The following TPD52 variants were observed in gnomAD, a reference collection of about 807,000 sequenced individuals.
TPD52 encodes prostate and colon associated protein.
Under a neutral mutation model 31.3 loss-of-function variants are expected in TPD52, and 17 were observed. That is an observed-to-expected ratio of 0.54 (90% CI 0.37 to 0.82). TPD52 has a LOEUF of 0.82. TPD52 is among the 40% of genes least tolerant of loss of function. The pLI, the probability that TPD52 is intolerant of heterozygous loss-of-function variation, is 0.00. For missense variants in TPD52, 212 were observed against 240.1 expected (o/e 0.88, Z 0.77); for synonymous variants, 83 against 89.6 (o/e 0.93, Z 0.42).
intron 1 of TPD52, among the ~76,000 whole-genome samples, chr8:80,152,780 C>CAATAAAAAAA (rs1810670061): frequency 1.2e-5 from 1 of 83,546 alleles, no homozygotes; most frequent in Non-Finnish European, 2.2e-5. Context: ...GACTCCGTCT[C>CAATAAAAAAA]AAAAAAAAAA....
At chr8:80,115,294 A>AGTG (rs1807787512) in intron 1 of TPD52, among the ~76,000 whole-genome samples, 1 of 152,208 alleles carries the variant, frequency 6.6e-6, no homozygotes, top group South Asian at 2.1e-4. Flanking sequence ...AATAAAAAAC[A>AGTG]GTGACCTGAC....
chr8:80,136,544 A>G (rs1170454499), intron 1 of TPD52, among the ~76,000 whole-genome samples: 2 of 150,428 alleles, frequency 1.3e-5, no homozygotes, highest in Non-Finnish European at 3.0e-5. Flanking sequence ...AAAAAAAAAA[A>G]AAAAAAAGAA....
chr8:80,108,801 T>G (rs1807307387), intron 1 of TPD52, among the ~76,000 whole-genome samples: 1 of 152,242 alleles, frequency 6.6e-6, no homozygotes, highest in Non-Finnish European at 1.5e-5. Flanking sequence ...GCTGGTTCTT[T>G]AAAGTTTTAA....
At position 80,080,580 on chromosome 8, in the gene TPD52, G is replaced by A. The variant is rs187997477; in HGVS notation, c.20-15987C>T. ...AAGAAATCAACCCCAGGAGTTAGAGGCCCTGGCTTCTGGGCCCAGGTGCCA... is the reference window on the plus strand; with the variant it reads ...AAGAAATCAACCCCAGGAGTTAGAGACCCTGGCTTCTGGGCCCAGGTGCCA... On this transcript the variant is annotated intron_variant, in intron 1 of 7. Transcript: ENST00000518937. 21 of 1,416,988 alleles carry A rather than the reference G, an allele frequency of 1.5e-5. 1 individual carries two copies. The East Asian group carries it at 4.8e-4, about 33-fold the overall frequency. 87.8% of individuals were successfully genotyped at this position (1,416,988 alleles called of 1,614,324 possible). A position where few individuals can be genotyped will look rare whatever the true frequency, so the allele number is the denominator to read the frequency against.
intron 1 of TPD52, among the ~76,000 whole-genome samples, chr8:80,163,584 A>C (rs1811505480): frequency 6.6e-6 from 1 of 152,364 alleles, no homozygotes; most frequent in Non-Finnish European, 1.5e-5. Flanking sequence ...CGTACTGTAC[A>C]TTTAAAAACG....
At chr8:80,074,173 G>A (rs201900124) in intron 1 of TPD52, among the ~76,000 whole-genome samples, 5 of 152,194 alleles carry the variant, frequency 3.3e-5, no homozygotes, top group Admixed American at 6.5e-5. Context: ...CTTTAAGACC[G>A]GAGTCGCGGT....
At chr8:80,133,032 A>T (rs1809134600) in intron 1 of TPD52, among the ~76,000 whole-genome samples, 1 of 152,194 alleles carries the variant, frequency 6.6e-6, no homozygotes, top group Admixed American at 6.5e-5. Flanking sequence ...AAATCTGTTC[A>T]CTGATGAAAA....
rs11542216 is a variant in TPD52, at chr8:80,064,520, G to A, written c.93C>T (p.Leu31=). The change falls in exon 2 of 8, where the codon CTC becomes CTT. Residue 31 remains leucine, a synonymous_variant. Coordinates refer to ENST00000518937, the MANE Select transcript of TPD52 (RefSeq NM_001025253.3). The part of the protein sequence containing the change: ...VAATISATET[L]SEEEQEELRR... ...TTAGCTCTTCCTGCTCCTCTTCCGA[G>A]AGGGTCTCTGTGGCACTGATCGTGG... 1.9e-6 allele frequency: 3 copies of A among 1,614,044 alleles called. No individual in the cohort carries two copies. In the African/African-American group the frequency reaches 4.0e-5, roughly 22 times the overall value.
At chr8:80,105,681 C>A (rs1427713427) in intron 1 of TPD52, among the ~76,000 whole-genome samples, 1 of 151,892 alleles carries the variant, frequency 6.6e-6, no homozygotes, top group Non-Finnish European at 1.5e-5. Context: ...AAGCAATCCT[C>A]CCGTCTCAAC....
chr8:80,040,505 T>C (rs1298302607), intron 7 of TPD52, among the ~76,000 whole-genome samples: 1 of 152,218 alleles, frequency 6.6e-6, no homozygotes, highest in Non-Finnish European at 1.5e-5. Context: ...ATTGTATGTT[T>C]TTAAATTACA....
At chr8:80,031,634 G>C (rs992967536), downstream of TPD52, among the ~76,000 whole-genome samples, 1 of 152,098 alleles carries the variant, frequency 6.6e-6, no homozygotes, top group South Asian at 2.1e-4. Context: ...GAGGAGGGAG[G>C]ATTGCTTGAG....
chr8:80,153,248 C>G (rs541046754), intron 1 of TPD52, among the ~76,000 whole-genome samples: 42 of 152,204 alleles, frequency 2.8e-4, no homozygotes, highest in Non-Finnish European at 5.9e-4. Context: ...CTGCAATGCT[C>G]CAGGAACTGA....
intron 1 of TPD52, among the ~76,000 whole-genome samples, chr8:80,086,735 G>T (rs983302129): frequency 1.1e-4 from 16 of 151,520 alleles, no homozygotes; most frequent in Non-Finnish European, 2.1e-4. Context: ...TTAGCTGGTT[G>T]GGGGGGCACG....
At position 80,064,933 on chromosome 8, in the gene TPD52, G is replaced by A. The variant is rs866372659; in HGVS notation, c.20-340C>T. The A allele has an allele frequency of 2.9e-5, 13 of 450,988 alleles. No individual in the cohort carries two copies. In the Middle Eastern group the frequency reaches 2.9e-3, roughly 99 times the overall value. 27.9% of individuals were successfully genotyped at this position (450,988 alleles called of 1,614,324 possible). A position where few individuals can be genotyped will look rare whatever the true frequency, so the allele number is the denominator to read the frequency against. On this transcript the variant is annotated intron_variant, in intron 1 of 7. Coordinates refer to ENST00000518937, the MANE Select transcript of TPD52 (RefSeq NM_001025253.3). ...TTTAAATTGCTGCAAAAGTAAATCA[G>A]TATAAATTAGATGAAAGATTTTAGC...
At chr8:80,076,195 C>T (rs1435689887) in intron 1 of TPD52, among the ~76,000 whole-genome samples, 1 of 152,174 alleles carries the variant, frequency 6.6e-6, no homozygotes, top group Admixed American at 6.5e-5. Context: ...ATCACAAAGA[C>T]ACATGCATGC....
At chr8:80,097,506 A>G (rs563059380) in intron 1 of TPD52, among the ~76,000 whole-genome samples, 1 of 152,162 alleles carries the variant, frequency 6.6e-6, no homozygotes, top group Non-Finnish European at 1.5e-5. Context: ...TGCTGTTCTC[A>G]CAATAGTGAG....
At chr8:80,073,762 C>T (rs1003424109) in intron 1 of TPD52, among the ~76,000 whole-genome samples, 2 of 152,156 alleles carry the variant, frequency 1.3e-5, no homozygotes, top group Non-Finnish European at 2.9e-5. Context: ...ACTGTTTTTA[C>T]CTAGAAAGGT....
intron 1 of TPD52, among the ~76,000 whole-genome samples, chr8:80,148,837 C>T (rs1471066248): frequency 1.3e-5 from 2 of 152,034 alleles, no homozygotes; most frequent in Non-Finnish European, 1.5e-5. Context: ...TATGCCATTC[C>T]ACTTTCTGGG....
intron 1 of TPD52, chr8:80,080,667 T>C (rs1815173239): frequency 1.6e-6 from 2 of 1,279,720 alleles, no homozygotes; most frequent in Non-Finnish European, 2.0e-6. Context: ...ATAAATGATT[T>C]ATCCTGAGCA....
Sources: allele counts gnomAD v4.1 joint callset (sites outside exome capture counted in the v4.1 genomes callset), GRCh38; gene constraint gnomAD v4.1.1; transcripts MANE v1.5; gene names NCBI Gene and HGNC (gene_info 2026-07-23, HGNC 2026-07-21).